MPDZ: variants seen among roughly 807,000 people sequenced by gnomAD.
MPDZ encodes the protein multiple PDZ domain protein.
Under a neutral mutation model 239.1 loss-of-function variants are expected in MPDZ, and 234 were observed. That is an observed-to-expected ratio of 0.98 (90% CI 0.88 to 1.09). The LOEUF (loss-of-function observed/expected upper bound fraction) is 1.09, where lower values mean the gene tolerates loss of function less well. MPDZ is among the 50% of genes least tolerant of loss of function. The pLI is 0.00. For missense variants in MPDZ, 3,175 were observed against 2,510.0 expected, an observed-to-expected ratio of 1.26 and a Z score of -5.66; for synonymous variants, 1,048 against 881.3, an observed-to-expected ratio of 1.19 and a Z score of -3.35.
chr9:13,134,328 T>C (rs1946432194), intron 31 of MPDZ: 1 of 152,264 alleles, frequency 6.6e-6, no homozygotes, highest in Admixed American at 6.5e-5. Context: ...TTGAAAACTT[T>C]AATGAACGTT....
At chr9:13,215,680 A>C (rs1301725367) in intron 10 of MPDZ, among the ~76,000 whole-genome samples, 2 of 151,466 alleles carry the variant, frequency 1.3e-5, no homozygotes, top group Non-Finnish European at 2.9e-5. Context: ...TGTTTGGAAA[A>C]ATAAAGACCT....
Position 13,143,473 on chromosome 9 carries a change from G to A in MPDZ, c.3833C>T (p.Ala1278Val). ...NPFADSLQIN[A>V]DKAPSQSESE... Reference sequence around the variant, plus strand: ...CAATGGGCATTATCCAACCTTGTCGGCGTTGATTTGTAGAGAGTCAGCAAA... The same window carrying A: ...CAATGGGCATTATCCAACCTTGTCGACGTTGATTTGTAGAGAGTCAGCAAA... Residue 1278 changes from alanine to valine, a missense_variant, in exon 27 of 47, where the codon GCC becomes GTC. By Grantham distance (64) the Ala-to-Val change is moderately conservative. Transcript: ENST00000319217. The A allele has an allele frequency of 6.2e-7, 1 of 1,611,392 alleles. No homozygotes were observed. Among genetic ancestry groups the A allele is most frequent in the Non-Finnish European group, 8.5e-7 (1 of 1,177,816 alleles).
chr9:13,205,003 G>A (rs939328613), intron 12 of MPDZ, 33 bp downstream of exon 12: 5 of 1,292,894 alleles, frequency 3.9e-6, no homozygotes, highest in Middle Eastern at 1.9e-4. Context: ...GAAAAATAAT[G>A]AAGTACACAA....
chr9:13,109,464 G>A (rs2131022851), intron 45 of MPDZ, among the ~76,000 whole-genome samples: 1 of 152,262 alleles, frequency 6.6e-6, no homozygotes, highest in Admixed American at 6.5e-5. Context: ...ATAAGCAATG[G>A]AAAAGCTGCA....
chr9:13,269,944 G>C (rs548969387), intron 1 of MPDZ, among the ~76,000 whole-genome samples: 1 of 152,220 alleles, frequency 6.6e-6, no homozygotes, highest in East Asian at 1.9e-4. Flanking sequence ...GCAGCAATTC[G>C]ATCTCCTAAT....
At chr9:13,181,168 A>G (rs1953265963) in intron 19 of MPDZ, among the ~76,000 whole-genome samples, 1 of 152,190 alleles carries the variant, frequency 6.6e-6, no homozygotes, top group South Asian at 2.1e-4. Flanking sequence ...AATTGCTGAG[A>G]TCCTCACATT....
intron 3 of MPDZ, among the ~76,000 whole-genome samples, chr9:13,246,385 T>G: frequency 6.6e-6 from 1 of 152,150 alleles, no homozygotes; most frequent in Non-Finnish European, 1.5e-5. Flanking sequence ...GAGGCTGCAG[T>G]GAGCAGAGAT....
chr9:13,168,953 T>G (rs72706364), intron 21 of MPDZ, among the ~76,000 whole-genome samples: 1 of 152,270 alleles, frequency 6.6e-6, no homozygotes, highest in Non-Finnish European at 1.5e-5. Context: ...AAAGGAAAAT[T>G]CATCATGTAA....
intron 18 of MPDZ, among the ~76,000 whole-genome samples, chr9:13,185,159 C>T (rs1313619375): frequency 6.6e-6 from 1 of 151,876 alleles, no homozygotes; most frequent in East Asian, 1.9e-4. Flanking sequence ...ACATAATACC[C>T]ATGGAGAGCA....
chr9:13,267,125 A>G (rs1342252919), intron 1 of MPDZ, among the ~76,000 whole-genome samples: 3 of 152,228 alleles, frequency 2.0e-5, no homozygotes, highest in Non-Finnish European at 4.4e-5. Flanking sequence ...ATGCTATTCA[A>G]TAACAACTAA....
intron 23 of MPDZ, among the ~76,000 whole-genome samples, chr9:13,161,702 C>G (rs1332726417): frequency 6.6e-6 from 1 of 152,068 alleles, no homozygotes; most frequent in African/African-American, 2.4e-5. Context: ...AACACAGGCC[C>G]ACAACTGAGA....
chr9:13,269,493 T>C (rs953533133), intron 1 of MPDZ, among the ~76,000 whole-genome samples: 6 of 152,014 alleles, frequency 3.9e-5, no homozygotes, highest in Non-Finnish European at 7.4e-5. Flanking sequence ...CAAGATGAAA[T>C]AGTGTACATA....
At position 13,126,508 on chromosome 9, in the gene MPDZ, A is replaced by G; in HGVS notation, c.4632+8T>C. On this transcript the variant is annotated splice_region_variant and intron_variant, in intron 34 of 46. Transcript: ENST00000319217. Reference sequence around the variant, plus strand: ...TACATTACCATTTACTTTATTTTGGAAAATTACCTTTTCAATAGGGTAACC... The same window carrying G: ...TACATTACCATTTACTTTATTTTGGGAAATTACCTTTTCAATAGGGTAACC... The G allele has an allele frequency of 6.5e-7, 1 of 1,550,288 alleles. No homozygotes were observed.
At chr9:13,263,364 A>G (rs1293341021) in intron 1 of MPDZ, among the ~76,000 whole-genome samples, 3 of 147,136 alleles carry the variant, frequency 2.0e-5, no homozygotes, top group Non-Finnish European at 4.5e-5. Flanking sequence ...TTAGTGCAAT[A>G]TTTTTCAAAT....
chr9:13,224,660 G>C, intron 3 of MPDZ, 77 bp from the exon 4 acceptor site: 1 of 971,052 alleles, frequency 1.0e-6, no homozygotes, highest in Non-Finnish European at 1.5e-6. Flanking sequence ...AAGGGTACAA[G>C]GACATACAAA....
Position 13,116,766 on chromosome 9 carries a change from T to C in MPDZ, c.5380-1432A>G, listed in dbSNP as rs137872120. 5.7e-3 allele frequency among the ~76,000 whole-genome samples: 863 copies of C among 152,092 alleles called. 8 individuals are homozygous for C. The highest frequency in any genetic ancestry group is 0.02 in the African/African-American group (837 of 41,476). ...CAATACAAAAGTGATTTACGCCCAG[T>C]AAAAAGAAAATTTTGGAAATAAAAT... On this transcript the variant is annotated intron_variant, in intron 39 of 46. Transcript: ENST00000319217.
intron 19 of MPDZ, among the ~76,000 whole-genome samples, chr9:13,177,591 G>A (rs1396047145): frequency 2.0e-5 from 3 of 152,086 alleles, no homozygotes; most frequent in African/African-American, 7.2e-5. Context: ...AAATTTCCAT[G>A]TCAGTTTAAA....
At chr9:13,178,890 C>G (rs1316355704) in intron 19 of MPDZ, among the ~76,000 whole-genome samples, 1 of 152,100 alleles carries the variant, frequency 6.6e-6, no homozygotes, top group Admixed American at 6.6e-5. Flanking sequence ...TTAATAAGTC[C>G]TTCCACACAA....
At chr9:13,177,454 T>TATA (rs1434170093) in intron 19 of MPDZ, among the ~76,000 whole-genome samples, 1 of 152,152 alleles carries the variant, frequency 6.6e-6, no homozygotes, top group Non-Finnish European at 1.5e-5. Context: ...AATATATACA[T>TATA]ATAAGTACAC....
Sources: allele counts gnomAD v4.1 joint callset (sites outside exome capture counted in the v4.1 genomes callset), GRCh38; gene constraint gnomAD v4.1.1; transcripts MANE v1.5; gene names NCBI Gene and HGNC (gene_info 2026-07-23, HGNC 2026-07-21).